EVC: variants seen among roughly 807,000 people sequenced by gnomAD.
The protein encoded by EVC is EvC ciliary complex subunit 1, also known as evC complex member EVC.
In EVC, 116 loss-of-function variants were observed where a neutral mutation model predicts 118.9. That is an observed-to-expected ratio of 0.98 (90% CI 0.84 to 1.14). The LOEUF is 1.14. Ranked by LOEUF, EVC falls within the 50% of genes most tolerant of loss-of-function variation. The pLI is 0.00. For synonymous variants in EVC, 619 were observed against 534.7 expected (o/e 1.16, Z -2.18); for missense variants, 1,401 against 1,246.4 (o/e 1.12, Z -1.87).
In EVC at chr4:5,753,802, A is replaced by C. The variant is rs116952023; in HGVS notation, c.1333A>C (p.Lys445Gln). The C allele has an allele frequency of 1.3e-3, 2,095 of 1,614,162 alleles. 21 individuals are homozygous for C. The East Asian group carries it at 0.018, about 14-fold the overall frequency. ...RFSREFVQRGKDLVTASLAHQ... is the reference protein window; with the variant it reads ...RFSREFVQRGQDLVTASLAHQ... ...AATCCCAGAGTTTGTCCAGCGAGGC[A>C]AAGACCTGGTCACGGCGTCTCTGGC... The change falls in exon 10 of 21, where the codon AAA (lysine) becomes CAA (glutamine). Residue 445 changes from lysine to glutamine, a missense_variant. Coordinates refer to ENST00000264956, the MANE Select transcript of EVC (RefSeq NM_153717.3).
chr4:5,803,977 A>G (rs1037267894), intron 16 of EVC, among the ~76,000 whole-genome samples: 5 of 150,168 alleles, frequency 3.3e-5, no homozygotes, highest in African/African-American at 7.4e-5. Flanking sequence ...GTCTCACTCA[A>G]TCGCCCAGAC....
intron 15 of EVC, among the ~76,000 whole-genome samples, chr4:5,799,580 G>T (rs990641800): frequency 6.6e-6 from 1 of 152,150 alleles, no homozygotes; most frequent in African/African-American, 2.4e-5. Flanking sequence ...GAGAGGTAGG[G>T]CACCCCTTAC....
chr4:5,731,629 G>C lies in EVC; in HGVS notation c.589G>C (p.Ala197Pro). 1 of 1,614,106 alleles carries C rather than the reference G, an allele frequency of 6.2e-7. No homozygotes were observed. The highest frequency in any genetic ancestry group is 8.5e-7 in the Non-Finnish European group (1 of 1,180,020). The change falls in exon 4 of 21, where the codon GCC (alanine) becomes CCC (proline). Residue 197 changes from alanine (A) to proline (P), a missense_variant. Coordinates refer to ENST00000264956, the MANE Select transcript of EVC (RefSeq NM_153717.3). This position sits in a 1 kb window ranked among gnomAD's most constrained non-coding sequence, Gnocchi z 5.6. ...CAGCCGCACCTTCCTCCGGGTGAACGCCTTCCCTGAAGTGCTGGCCTGCGA... is the reference window on the plus strand; with the variant it reads ...CAGCCGCACCTTCCTCCGGGTGAACCCCTTCCCTGAAGTGCTGGCCTGCGA... Reference protein sequence around the residue: ...FLSRTFLRVNAFPEVLACESV... With the variant: ...FLSRTFLRVNPFPEVLACESV...
rs1003770114 is a variant in EVC, at chr4:5,738,649, C to T, written c.703-3067C>T. Among the ~76,000 whole-genome samples, 1 of 151,496 alleles carries T rather than the reference C, an allele frequency of 6.6e-6. No homozygotes were observed. Among genetic ancestry groups the T allele is most frequent in the African/African-American group, 2.4e-5 (1 of 41,172 alleles). Reference sequence around the variant, plus strand: ...GACGGAGATCTCAACTCACTGCAAACTTTGCCTCCCAGATTCAAGTGATTC... The same window carrying T: ...GACGGAGATCTCAACTCACTGCAAATTTTGCCTCCCAGATTCAAGTGATTC... On this transcript the variant is annotated intron_variant, in intron 5 of 20. Coordinates refer to ENST00000264956, the MANE Select transcript of EVC (RefSeq NM_153717.3). The surrounding 1 kb of genome is among the most constrained non-coding windows in gnomAD (Gnocchi z 6.5).
intron 13 of EVC, among the ~76,000 whole-genome samples, chr4:5,794,325 T>TTA (rs773787950): frequency 0.26 from 35,196 of 135,086 alleles, 5,676 homozygotes; most frequent in South Asian, 0.53. Context: ...TTATATATAT[T>TTA]TATATATATT....
chr4:5,809,532 C>T lies in EVC; in HGVS notation c.2703C>T (p.Asn901=), dbSNP rs761142042. 2 of 1,614,174 alleles carry T rather than the reference C, an allele frequency of 1.2e-6. No homozygotes were observed. Among genetic ancestry groups the T allele is most frequent in the Admixed American group, 3.3e-5 (2 of 60,018 alleles). The change falls in exon 19 of 21, where the codon AAC becomes AAT. Residue 901 remains asparagine (N), a synonymous_variant. Transcript: ENST00000264956. The part of the protein sequence containing the change: ...LETQLQEAEQ[N]FISELAALAR... ...TTGCATTTCAGGAAGCTGAACAGAA[C>T]TTCATCTCCGAGCTGGCAGCCTTGG...
rs112873707 is a variant in EVC at position 5,733,571 on chromosome 4, A to G, written c.702+136A>G. 5.4e-4 allele frequency: 455 copies of G among 837,550 alleles called. No individual in the cohort carries two copies. In the African/African-American group the frequency reaches 6.7e-3, roughly 12 times the overall value. The allele number at this position is 837,550 out of a possible 1,614,324, so 51.9% of individuals were successfully genotyped here. A position where few individuals can be genotyped will look rare whatever the true frequency, so the allele number is the denominator to read the frequency against. On this transcript the variant is annotated intron_variant, in intron 5 of 20. Coordinates refer to ENST00000264956, the MANE Select transcript of EVC (RefSeq NM_153717.3). ...ACAGAGCCGCTGTGAGGTGGGGGAA[A>G]GCGGCGCTGTCAGGCATGCAGCCAC... is the stretch of plus-strand genomic sequence containing the variant.
At chr4:5,808,734 G>C (rs1305526113) in intron 18 of EVC, among the ~76,000 whole-genome samples, 1 of 152,348 alleles carries the variant, frequency 6.6e-6, no homozygotes, top group East Asian at 1.9e-4. Context: ...CAGCAAACAG[G>C]AAGCTCAGCT....
rs550235583 is a variant in EVC, at chr4:5,771,492, CTT to C, written c.1564-12058_1564-12057del. On this transcript the variant is annotated intron_variant, in intron 11 of 20. Transcript: ENST00000264956. ...TAACTCAGTCCCACCTGCGAAGTCT[CTT>C]TACCATGTAAAGTTCCGTGCTCAAA... 1.5e-3 allele frequency among the ~76,000 whole-genome samples: 236 copies of C among 152,312 alleles called. 2 individuals carry two copies. The highest frequency in any genetic ancestry group is 5.5e-3 in the African/African-American group (228 of 41,536).
At position 5,753,916 on chromosome 4, in the gene EVC, C is replaced by G; in HGVS notation, c.1447C>G (p.Pro483Ala). 6.2e-7 allele frequency: 1 copy of G among 1,613,378 alleles called. No individual in the cohort carries two copies. Among genetic ancestry groups the G allele is most frequent in the Non-Finnish European group, 8.5e-7 (1 of 1,180,026 alleles). Residue 483 changes from proline (P) to alanine (A), a missense_variant, in exon 10 of 21, where the codon CCG becomes GCG. Physicochemically the swap from Pro to Ala is conservative, Grantham distance 27. Transcript: ENST00000264956. ...GGCTGAGGCCCAGCCGACTGCTGAC[C>G]CGGAAAAGTTTCTCGAGGTGACTCA... is the stretch of plus-strand genomic sequence containing the variant. ...FLAEAQPTAD[P>A]EKFLEAFHEV...
At chr4:5,782,450 G>T (rs1214448160) in intron 11 of EVC, among the ~76,000 whole-genome samples, 4 of 116,160 alleles carry the variant, frequency 3.4e-5, no homozygotes, top group Non-Finnish European at 6.6e-5. Flanking sequence ...CTGGAGTGCA[G>T]TGGCGCAATC....
At position 5,731,459 on chromosome 4, in the gene EVC, A is replaced by G. The variant is rs1224211672; in HGVS notation, c.419A>G (p.His140Arg). The change falls in exon 4 of 21, where the codon CAT becomes CGT. Residue 140 changes from histidine to arginine, a missense_variant. Transcript: ENST00000264956. The surrounding 1 kb of genome is among the most constrained non-coding windows in gnomAD (Gnocchi z 5.6). ...LADGSSNPSL[H>R]ENLKQAVLPH... ...GATGGCTCCTCCAACCCGTCTCTGC[A>G]TGAAAACTTAAAGCAGGCTGTTTTG... 3.1e-6 allele frequency: 5 copies of G among 1,613,160 alleles called. No individual in the cohort carries two copies. Among genetic ancestry groups the G allele is most frequent in the East Asian group, 2.2e-5 (1 of 44,864 alleles).
At chr4:5,741,438 C>T (rs1230868278) in intron 5 of EVC, among the ~76,000 whole-genome samples, 1 of 152,152 alleles carries the variant, frequency 6.6e-6, no homozygotes, top group African/African-American at 2.4e-5. Flanking sequence ...GGGCCTTGCA[C>T]AGAGTAAGCA....
intron 1 of EVC, among the ~76,000 whole-genome samples, chr4:5,716,709 T>G (rs1356344082): frequency 6.6e-6 from 1 of 152,238 alleles, no homozygotes; most frequent in East Asian, 1.9e-4. Context: ...TATTACCTTC[T>G]TGCTTATCAA....
At chr4:5,747,287 C>G (rs1397168703) in intron 7 of EVC, among the ~76,000 whole-genome samples, 2 of 152,142 alleles carry the variant, frequency 1.3e-5, no homozygotes. Flanking sequence ...CTGCCCCCTC[C>G]CATGCCCAGT....
At chr4:5,765,937 C>G (rs1361230684) in intron 11 of EVC, among the ~76,000 whole-genome samples, 1 of 135,260 alleles carries the variant, frequency 7.4e-6, no homozygotes, top group Non-Finnish European at 1.6e-5. Flanking sequence ...TGAATTTGAT[C>G]CTGTCATTAT....
chr4:5,825,376 C>T, the EVC span: 1 of 1,459,840 alleles, frequency 6.9e-7, no homozygotes, highest in South Asian at 1.6e-5. The surrounding 1 kb of genome is among the most constrained non-coding windows in gnomAD (Gnocchi z 4.4). Flanking sequence ...GGCACACTCC[C>T]TTCCCTGCTT....
rs2152403299 is a variant in EVC at position 5,814,262 on chromosome 4, GATGTATT to G, written c.*3229_*3235del. 6.6e-6 allele frequency: 1 copy of G among 152,390 alleles called. No individual in the cohort carries two copies. Among genetic ancestry groups the G allele is most frequent in the South Asian group, 2.1e-4 (1 of 4,830 alleles). 9.4% of individuals were successfully genotyped at this position (152,390 alleles called of 1,614,324 possible). A position where few individuals can be genotyped will look rare whatever the true frequency, so the allele number is the denominator to read the frequency against. ...GATTTGGAAGGGGACCATGAGAGAT[GATGTATT>G]ATGATGAACTCATGATTTAATTCTT... On this transcript the variant is annotated 3_prime_UTR_variant, in exon 21 of 21. Coordinates refer to ENST00000264956, the MANE Select transcript of EVC (RefSeq NM_153717.3).
In EVC at chr4:5,756,128, G is replaced by C; in HGVS notation, c.1465-136G>C. On this transcript the variant is annotated intron_variant, in intron 10 of 20. Coordinates refer to ENST00000264956, the MANE Select transcript of EVC (RefSeq NM_153717.3). This position sits in a 1 kb window ranked among gnomAD's most constrained non-coding sequence, Gnocchi z 4.2. Reference sequence around the variant, plus strand: ...AGCCATGTGACAGCCCCATGCCTCAGTTTCCTTGTGTGTAATACAGGTGCC... The same window carrying C: ...AGCCATGTGACAGCCCCATGCCTCACTTTCCTTGTGTGTAATACAGGTGCC... The C allele has an allele frequency of 1.4e-6, 1 of 717,228 alleles. No individual in the cohort carries two copies. The highest frequency in any genetic ancestry group is 1.6e-5 in the South Asian group (1 of 63,312). The allele number at this position is 717,228 out of a possible 1,614,324, so 44.4% of individuals were successfully genotyped here. A position where few individuals can be genotyped will look rare whatever the true frequency, so the allele number is the denominator to read the frequency against.
Sources: allele counts gnomAD v4.1 joint callset (sites outside exome capture counted in the v4.1 genomes callset), GRCh38; gene constraint gnomAD v4.1.1; non-coding constraint Gnocchi (gnomAD v3.1); transcripts MANE v1.5; gene names NCBI Gene and HGNC (gene_info 2026-07-23, HGNC 2026-07-21).